The following CCDC146 variants were observed in gnomAD, a reference collection of about 807,000 sequenced individuals.
CCDC146 encodes the protein coiled-coil domain containing 146, also known as coiled-coil domain-containing protein 146.
A neutral mutation model predicts 119.3 loss-of-function variants in CCDC146; 92 were observed. The observed-to-expected ratio is 0.77, with a 90% CI of 0.65 to 0.92. CCDC146 has a LOEUF of 0.92. Ranked by LOEUF, CCDC146 falls within the 40% of genes least tolerant of loss-of-function variation. The pLI is 0.00. For missense variants in CCDC146, 1,000 were observed against 1,103.0 expected (o/e 0.91, Z 1.32); for synonymous variants, 372 against 371.8 (o/e 1.00, Z -0.01).
chr7:77,214,910 T>C (rs1792267869), intron 2 of CCDC146, among the ~76,000 whole-genome samples: 3 of 152,200 alleles, frequency 2.0e-5, no homozygotes, highest in Non-Finnish European at 4.4e-5. Flanking sequence ...GCACATGATA[T>C]TGGTTGTCTC....
intron 2 of CCDC146, among the ~76,000 whole-genome samples, chr7:77,219,347 T>C (rs1792358854): frequency 6.7e-6 from 1 of 149,092 alleles, no homozygotes; most frequent in African/African-American, 2.4e-5. Context: ...TTGTTATGTA[T>C]GGTTCTATCT....
chr7:77,155,951 T>C (rs1285089719), intron 1 of CCDC146, among the ~76,000 whole-genome samples: 1 of 152,072 alleles, frequency 6.6e-6, no homozygotes. Context: ...ATATATAAGA[T>C]GCTTTAAAGA....
At chr7:77,252,020 G>A (rs1238022993) in intron 4 of CCDC146, among the ~76,000 whole-genome samples, 5 of 152,026 alleles carry the variant, frequency 3.3e-5, no homozygotes, top group Non-Finnish European at 7.4e-5. Flanking sequence ...GTGGTGGCAC[G>A]TGCCTATGGT....
chr7:77,259,906 T>C, intron 7 of CCDC146, 103 bp from the exon 8 acceptor site: 1 of 773,376 alleles, frequency 1.3e-6, no homozygotes, highest in Non-Finnish European at 2.1e-6. Flanking sequence ...AAAGCAAGAA[T>C]AGGTAAAGCC....
chr7:77,280,214 G>A (rs1793738300), intron 13 of CCDC146, among the ~76,000 whole-genome samples: 1 of 152,106 alleles, frequency 6.6e-6, no homozygotes, highest in African/African-American at 2.4e-5. Flanking sequence ...AAGGAAAGAT[G>A]TTCTAATCTG....
At chr7:77,204,666 T>C (rs1000289429) in intron 2 of CCDC146, among the ~76,000 whole-genome samples, 5 of 152,170 alleles carry the variant, frequency 3.3e-5, no homozygotes, top group African/African-American at 1.2e-4. Flanking sequence ...AACTGGAATA[T>C]TCCACAAGAG....
At chr7:77,176,884 G>A (rs1392333898) in intron 2 of CCDC146, among the ~76,000 whole-genome samples, 6 of 151,960 alleles carry the variant, frequency 3.9e-5, no homozygotes, top group South Asian at 2.1e-4. Flanking sequence ...TGCCCAGACT[G>A]AAGTGCAGTG....
At chr7:77,126,742 T>A (rs1406566435) in intron 1 of CCDC146, among the ~76,000 whole-genome samples, 1 of 152,108 alleles carries the variant, frequency 6.6e-6, no homozygotes, top group East Asian at 1.9e-4. Context: ...TCGTCTGCCC[T>A]GCTCTGGCTG....
At chr7:77,251,184 G>T (rs1793054109) in intron 4 of CCDC146, among the ~76,000 whole-genome samples, 2 of 151,950 alleles carry the variant, frequency 1.3e-5, no homozygotes, top group Admixed American at 1.3e-4. Context: ...AATACGCCCA[G>T]CTAATTTTTG....
At chr7:77,165,907 A>G (rs1791331716) in intron 1 of CCDC146, among the ~76,000 whole-genome samples, 1 of 152,262 alleles carries the variant, frequency 6.6e-6, no homozygotes, top group Non-Finnish European at 1.5e-5. Flanking sequence ...TTGCTATAAT[A>G]TTGCAAATAA....
intron 18 of CCDC146, among the ~76,000 whole-genome samples, chr7:77,293,546 C>G (rs2150561162): frequency 6.6e-6 from 1 of 152,338 alleles, no homozygotes; most frequent in Non-Finnish European, 1.5e-5. Context: ...CACCTCTGCT[C>G]AGACCACATC....
At chr7:77,267,082 C>G (rs1375714108) in intron 9 of CCDC146, among the ~76,000 whole-genome samples, 9 of 150,908 alleles carry the variant, frequency 6.0e-5, no homozygotes, top group African/African-American at 2.2e-4. Context: ...ACCTCTGTCT[C>G]CTCGGTTCAA....
chr7:77,166,234 A>C (rs970788257), intron 1 of CCDC146, among the ~76,000 whole-genome samples: 6 of 152,242 alleles, frequency 3.9e-5, no homozygotes, highest in Non-Finnish European at 7.3e-5. Context: ...TCACAGAGGA[A>C]GCTGATTTTT....
intron 1 of CCDC146, among the ~76,000 whole-genome samples, chr7:77,145,246 G>A (rs1216450105): frequency 6.6e-6 from 1 of 151,786 alleles, no homozygotes; most frequent in African/African-American, 2.4e-5. Context: ...TTGTATTTCT[G>A]TGGGATCAGT....
chr7:77,223,208 T>C (rs1019350864), intron 2 of CCDC146, among the ~76,000 whole-genome samples: 2 of 152,234 alleles, frequency 1.3e-5, no homozygotes, highest in Admixed American at 1.3e-4. Context: ...TTGTTAAAGG[T>C]CTAAGCAACT....
At chr7:77,260,368 T>G (rs1310184759) in intron 8 of CCDC146, 132 bp downstream of exon 8, 1 of 625,954 alleles carries the variant, frequency 1.6e-6, no homozygotes, top group African/African-American at 1.9e-5. Flanking sequence ...CTTTTACCCT[T>G]AATATATTAT....
chr7:77,135,488 A>C (rs904592351), intron 1 of CCDC146, among the ~76,000 whole-genome samples: 3 of 152,128 alleles, frequency 2.0e-5, no homozygotes, highest in Admixed American at 2.0e-4. Flanking sequence ...AGCGAGAGAG[A>C]GAGCGAAAGA....
At chr7:77,188,325 C>T (rs1479277036) in intron 2 of CCDC146, among the ~76,000 whole-genome samples, 1 of 151,902 alleles carries the variant, frequency 6.6e-6, no homozygotes, top group Non-Finnish European at 1.5e-5. Context: ...CTACTATGTA[C>T]CCACAATTTT....
chr7:77,272,886 G>A (rs1793552902), intron 9 of CCDC146, among the ~76,000 whole-genome samples: 1 of 152,158 alleles, frequency 6.6e-6, no homozygotes, highest in Non-Finnish European at 1.5e-5. Flanking sequence ...CCAAAAAGTT[G>A]AGGCTTTTCT....
Sources: allele counts gnomAD v4.1 joint callset (sites outside exome capture counted in the v4.1 genomes callset), GRCh38; gene constraint gnomAD v4.1.1; transcripts MANE v1.5; gene names NCBI Gene and HGNC (gene_info 2026-07-23, HGNC 2026-07-21).